The following MICAL2 variants were observed in gnomAD, a reference collection of about 807,000 sequenced individuals.
The protein encoded by MICAL2 is [F-actin]-monooxygenase MICAL2.
MICAL2 carries 77 observed loss-of-function variants against 127.3 expected under a neutral mutation model. The ratio of observed to expected loss-of-function variants is 0.60; its 90% CI spans 0.50 to 0.73. The LOEUF is 0.73. Among genes scored for constraint, MICAL2 ranks in the 30% least tolerant of loss-of-function variants. The pLI, the probability that MICAL2 is intolerant of heterozygous loss-of-function variation, is 0.00. For synonymous variants in MICAL2, 570 were observed against 551.1 expected, an observed-to-expected ratio of 1.03 and a Z score of -0.48; for missense variants, 1,351 against 1,434.4, an observed-to-expected ratio of 0.94 and a Z score of 0.94.
At chr11:12,339,024 C>T (rs1034078687) in intron 32 of MICAL2, among the ~76,000 whole-genome samples, 2 of 152,210 alleles carry the variant, frequency 1.3e-5, no homozygotes, top group Non-Finnish European at 2.9e-5. Flanking sequence ...TGGGGAAGTT[C>T]TCCTGGATAA....
intron 17 of MICAL2, among the ~76,000 whole-genome samples, chr11:12,240,138 T>G (rs963630774): frequency 6.6e-6 from 1 of 152,236 alleles, no homozygotes; most frequent in Non-Finnish European, 1.5e-5. Context: ...AGGTGTTTCC[T>G]GGCACTCCCC....
intron 1 of MICAL2, among the ~76,000 whole-genome samples, chr11:12,120,396 G>A (rs1236610180): frequency 6.6e-6 from 1 of 152,222 alleles, no homozygotes; most frequent in Non-Finnish European, 1.5e-5. Flanking sequence ...ACAGCCATAG[G>A]CCCAGGCTCG....
At chr11:12,113,036 C>T (rs530481438) in intron 1 of MICAL2, among the ~76,000 whole-genome samples, 22 of 152,172 alleles carry the variant, frequency 1.4e-4, no homozygotes, top group Middle Eastern at 3.4e-3. Context: ...TCTGGCAGGA[C>T]GGGACGTGGT....
rs527510822 is a variant in MICAL2, at chr11:12,151,387, C to T, written c.-77-10692C>T. On this transcript the variant is annotated intron_variant, in intron 2 of 27. Transcript: ENST00000683283. ...CAGTCGGGTAAGAGACATCTTAATT[C>T]CCATGTGGTTGACCTTCACATTGGG... Among the ~76,000 whole-genome samples the T allele has an allele frequency of 3.9e-5, 6 of 152,192 alleles. No homozygotes were observed. In the South Asian group the frequency reaches 1.2e-3, roughly 32 times the overall value.
At chr11:12,174,332 A>C (rs932521517) in intron 3 of MICAL2, among the ~76,000 whole-genome samples, 5 of 151,970 alleles carry the variant, frequency 3.3e-5, no homozygotes, top group Non-Finnish European at 7.4e-5. Flanking sequence ...CTGTACCCAT[A>C]ATCAGTCACT....
At chr11:12,136,142 A>G (rs780962157) in intron 1 of MICAL2, among the ~76,000 whole-genome samples, 3 of 151,964 alleles carry the variant, frequency 2.0e-5, no homozygotes, top group Admixed American at 2.0e-4. Context: ...GTATCACCCA[A>G]ATCAGGCCCA....
intron 1 of MICAL2, among the ~76,000 whole-genome samples, chr11:12,128,989 T>G (rs1324091131): frequency 6.6e-6 from 1 of 152,266 alleles, no homozygotes; most frequent in Non-Finnish European, 1.5e-5. Context: ...ATTATAGTAT[T>G]ATTGTAAGTG....
chr11:12,361,855 G>T (rs1017482276), downstream of MICAL2, among the ~76,000 whole-genome samples: 2 of 152,254 alleles, frequency 1.3e-5, no homozygotes, highest in African/African-American at 4.8e-5. Context: ...CAGGGCAGAG[G>T]TGGCAGGGGG....
At chr11:12,219,813 A>G (rs987935863) in intron 8 of MICAL2, among the ~76,000 whole-genome samples, 7 of 152,194 alleles carry the variant, frequency 4.6e-5, no homozygotes, top group South Asian at 2.1e-4. Flanking sequence ...TATCAAGTGC[A>G]CTGTTCATTA....
rs113445296 is a variant in MICAL2 at position 12,224,370 on chromosome 11, C to G, written c.1541-303C>G. The G allele has an allele frequency of 1.7e-3, 575 of 332,142 alleles. 3 individuals are homozygous for G. The highest frequency in any genetic ancestry group is 0.011 in the African/African-American group (524 of 49,278). 20.6% of individuals were successfully genotyped at this position (332,142 alleles called of 1,614,324 possible). A position where few individuals can be genotyped will look rare whatever the true frequency, so the allele number is the denominator to read the frequency against. On this transcript the variant is annotated intron_variant, in intron 12 of 27. Coordinates refer to ENST00000683283, the MANE Select transcript of MICAL2 (RefSeq NM_001282663.2). The stretch of plus-strand genomic sequence containing the variant: ...CCATTGCAGCACTGTGTCATCATCA[C>G]CCCCTCTGTGACTATCTTCCCCACT...
At position 12,157,791 on chromosome 11, in the gene MICAL2, A is replaced by G. The variant is rs551818207; in HGVS notation, c.-77-4288A>G. Among the ~76,000 whole-genome samples the G allele has an allele frequency of 1.2e-4, 18 of 152,324 alleles. No homozygotes were observed. In the East Asian group the frequency reaches 1.9e-3, roughly 16 times the overall value. On this transcript the variant is annotated intron_variant, in intron 2 of 27. Coordinates refer to ENST00000683283, the MANE Select transcript of MICAL2 (RefSeq NM_001282663.2). ...CCAGTTCTCTGGAAGAAAGGTTTGA[A>G]GCTCAGAATCACTGAGTCCTTCTGA...
intron 13 of MICAL2, chr11:12,225,639 C>G (rs1353037483): frequency 1.9e-5 from 3 of 156,162 alleles, no homozygotes; most frequent in Non-Finnish European, 4.3e-5. Flanking sequence ...AGGTGCCCAC[C>G]ACCACACCCG....
At chr11:12,273,910 T>C (rs1002902543), upstream of MICAL2, among the ~76,000 whole-genome samples, 1 of 151,658 alleles carries the variant, frequency 6.6e-6, no homozygotes, top group African/African-American at 2.4e-5. Context: ...TTGGGAGTGG[T>C]GGAGGCACAG....
chr11:12,351,790 CT>C lies in MICAL2; in HGVS notation c.5615+1867del, dbSNP rs765474919. Among the ~76,000 whole-genome samples, 1,377 of 144,938 alleles carry C rather than the reference CT, an allele frequency of 9.5e-3. 10 individuals are homozygous for C. The highest frequency in any genetic ancestry group is 0.036 in the Middle Eastern group (10 of 276). On this transcript the variant is annotated intron_variant, in intron 33 of 34. Coordinates refer to the MICAL2 transcript ENST00000646065. ...CTAGTGATGATTTGTTGTATTATAA[CT>C]TTTTTTTTTTTTTCTTTGAGACAGA...
chr11:12,129,958 C>G (rs556791038), intron 1 of MICAL2, among the ~76,000 whole-genome samples: 1 of 152,298 alleles, frequency 6.6e-6, no homozygotes, highest in Non-Finnish European at 1.5e-5. Context: ...AGTTATCCTT[C>G]CATCTTGGCC....
chr11:12,319,881 C>A, intron 30 of MICAL2: 5 of 1,130,222 alleles, frequency 4.4e-6, no homozygotes, highest in South Asian at 3.7e-5. Context: ...ATTTCAGAAC[C>A]AATGTGGGCT....
exon 35 of MICAL2, chr11:12,358,329 G>A (rs1939159669): frequency 6.2e-7 from 1 of 1,614,138 alleles, no homozygotes; most frequent in South Asian, 1.1e-5. Flanking sequence ...TAAACGAAGA[G>A]CAAGAAGTAT....
intron 1 of MICAL2, among the ~76,000 whole-genome samples, chr11:12,122,344 G>A (rs967838034): frequency 6.6e-6 from 1 of 152,242 alleles, no homozygotes; most frequent in Non-Finnish European, 1.5e-5. Flanking sequence ...ACAGATGTGG[G>A]CAGGGTTCCT....
intron 2 of MICAL2, among the ~76,000 whole-genome samples, chr11:12,158,043 C>T (rs534477630): frequency 4.5e-4 from 69 of 152,196 alleles, no homozygotes; most frequent in African/African-American, 1.6e-3. Context: ...TACAGGTTGA[C>T]TATACCTAAA....
Sources: gnomAD v4.1 joint callset for allele counts (sites outside exome capture counted in the v4.1 genomes callset) on GRCh38, gnomAD v4.1.1 for gene constraint, MANE v1.5 for transcripts, NCBI Gene and HGNC (gene_info 2026-07-23, HGNC 2026-07-21) for gene names.